The following SLC9C2 variants were observed in gnomAD, a reference collection of about 807,000 sequenced individuals.
SLC9C2 encodes solute carrier family 9 member C2 (putative).
In SLC9C2, 75 loss-of-function variants were observed where a neutral mutation model predicts 140.2. That is an observed-to-expected ratio of 0.53 (90% CI 0.44 to 0.65). The LOEUF is 0.65. Among genes scored for constraint, SLC9C2 ranks in the 30% least tolerant of loss-of-function variants. The pLI, the probability that SLC9C2 is intolerant of heterozygous loss-of-function variation, is 0.00. For synonymous variants in SLC9C2, 375 were observed against 420.9 expected (o/e 0.89, Z 1.34); for missense variants, 1,074 against 1,331.8 (o/e 0.81, Z 3.01).
At chr1:173,551,164 G>C (rs1195589994) in intron 11 of SLC9C2, among the ~76,000 whole-genome samples, 3 of 152,084 alleles carry the variant, frequency 2.0e-5, no homozygotes, top group Non-Finnish European at 2.9e-5. Context: ...AATATAGCAG[G>C]CTACTTCCAT....
At chr1:173,555,127 G>A (rs1228882918) in intron 10 of SLC9C2, 3 of 192,348 alleles carry the variant, frequency 1.6e-5, no homozygotes, top group African/African-American at 4.7e-5. Flanking sequence ...CAGCACGGTG[G>A]TAGCCATCTC....
intron 4 of SLC9C2, among the ~76,000 whole-genome samples, chr1:173,590,013 C>T (rs764735106): frequency 4.6e-5 from 7 of 152,126 alleles, no homozygotes; most frequent in Admixed American, 2.0e-4. Flanking sequence ...GGGGCCCAGG[C>T]GAGCAGATCT....
Position 173,534,597 on chromosome 1 carries a change from T to C in SLC9C2, c.1861A>G (p.Ile621Val). ...CACAGATGTATTATCATAGGATAAA[T>C]ATATATCAAATTTATAATCTGTCCT... ...YTGQIINLIYIYPMIIHLWPM... is the reference protein window; with the variant it reads ...YTGQIINLIYVYPMIIHLWPM... Residue 621 changes from isoleucine to valine, a missense_variant, in exon 16 of 28, where the codon ATT (isoleucine) becomes GTT (valine). By Grantham distance (29) the Ile-to-Val change is conservative (BLOSUM62 3). Transcript: ENST00000367714. The C allele has an allele frequency of 1.3e-6, 2 of 1,591,362 alleles. No individual in the cohort carries two copies. The highest frequency in any genetic ancestry group is 1.7e-6 in the Non-Finnish European group (2 of 1,170,538).
At chr1:173,554,517 C>T (rs1663540555) in intron 11 of SLC9C2, among the ~76,000 whole-genome samples, 1 of 152,186 alleles carries the variant, frequency 6.6e-6, no homozygotes, top group African/African-American at 2.4e-5. Flanking sequence ...AAAAAAAAAC[C>T]TTCTGTCTTG....
chr1:173,570,991 A>G (rs1664809486), intron 9 of SLC9C2, among the ~76,000 whole-genome samples: 1 of 152,144 alleles, frequency 6.6e-6, no homozygotes, highest in African/African-American at 2.4e-5. Context: ...TGAATTTTAA[A>G]GTAGGTACTG....
chr1:173,504,740 T>C (rs1659510577), intron 26 of SLC9C2, among the ~76,000 whole-genome samples: 1 of 152,168 alleles, frequency 6.6e-6, no homozygotes, highest in African/African-American at 2.4e-5. Context: ...ATGCATGCAG[T>C]TGGATGCTAA....
At chr1:173,502,788 C>T (rs1376623620) in intron 27 of SLC9C2, among the ~76,000 whole-genome samples, 2 of 152,160 alleles carry the variant, frequency 1.3e-5, no homozygotes, top group African/African-American at 4.8e-5. Flanking sequence ...TTCAAATAAC[C>T]TACCAGTTAA....
intron 9 of SLC9C2, among the ~76,000 whole-genome samples, chr1:173,565,788 T>A (rs1422658317): frequency 6.6e-6 from 1 of 152,230 alleles, no homozygotes; most frequent in Non-Finnish European, 1.5e-5. Context: ...AATCTCTAGA[T>A]CATTTTAGAT....
chr1:173,594,221 AG>A (rs1666324175), intron 4 of SLC9C2, among the ~76,000 whole-genome samples: 1 of 152,236 alleles, frequency 6.6e-6, no homozygotes, highest in Non-Finnish European at 1.5e-5. Context: ...ACAGCTAGAT[AG>A]GAGTAAGTTC....
intron 13 of SLC9C2, among the ~76,000 whole-genome samples, chr1:173,537,574 GTGTGTGTGTATATATA>G (rs749727507): frequency 9.1e-4 from 135 of 148,440 alleles, no homozygotes; most frequent in Non-Finnish European, 1.5e-3. Flanking sequence ...AAATTTATAT[GTGTGTGTGTATATATA>G]TGTGTGTGTA....
chr1:173,576,512 T>G, intron 8 of SLC9C2, 149 bp downstream of exon 8: 1 of 541,346 alleles, frequency 1.8e-6, no homozygotes, highest in Middle Eastern at 2.7e-4. Flanking sequence ...GCACCTTAAA[T>G]TCTTTTCAAA....
intron 4 of SLC9C2, among the ~76,000 whole-genome samples, chr1:173,588,205 A>G (rs550874099): frequency 6.6e-6 from 1 of 152,302 alleles, no homozygotes; most frequent in South Asian, 2.1e-4. Context: ...ACAAATTTAT[A>G]TACCAAGACT....
chr1:173,526,443 A>G (rs983701297), intron 19 of SLC9C2, among the ~76,000 whole-genome samples: 3 of 152,110 alleles, frequency 2.0e-5, no homozygotes, highest in African/African-American at 4.8e-5. Flanking sequence ...TCAATTATCT[A>G]TTGATACGCT....
At chr1:173,571,872 C>T (rs1664862753) in intron 9 of SLC9C2, 1 of 151,990 alleles carries the variant, frequency 6.6e-6, no homozygotes, top group Admixed American at 6.6e-5. Context: ...TTGGGGAATC[C>T]TTTCATTATT....
intron 9 of SLC9C2, among the ~76,000 whole-genome samples, chr1:173,572,284 G>C (rs1285078670): frequency 6.6e-6 from 1 of 152,212 alleles, no homozygotes; most frequent in Non-Finnish European, 1.5e-5. Context: ...ACAGCTGCAT[G>C]GGAACAGCAG....
intron 13 of SLC9C2, among the ~76,000 whole-genome samples, chr1:173,542,114 A>C (rs1425173436): frequency 6.6e-6 from 1 of 152,182 alleles, no homozygotes; most frequent in African/African-American, 2.4e-5. Context: ...ACCGCTAGCA[A>C]GACTAATAAA....
chr1:173,602,618 T>C (rs2102291293), intron 1 of SLC9C2, 133 bp downstream of exon 1: 1 of 152,360 alleles, frequency 6.6e-6, no homozygotes, highest in South Asian at 2.1e-4. Context: ...GTGCTCTGTG[T>C]AGGATGTAAC....
At chr1:173,509,761 A>G in intron 23 of SLC9C2, 62 bp from the exon 24 acceptor site, 3 of 1,516,060 alleles carry the variant, frequency 2.0e-6, no homozygotes, top group Non-Finnish European at 2.6e-6. Context: ...AAGACCATCA[A>G]AAAACAAGAT....
intron 16 of SLC9C2, 131 bp downstream of exon 16, chr1:173,534,353 A>G: frequency 1.0e-6 from 1 of 972,334 alleles, no homozygotes; most frequent in Non-Finnish European, 1.4e-6. Flanking sequence ...AAGCTTACTA[A>G]AATTCTAGGA....
Sources: allele counts gnomAD v4.1 joint callset (sites outside exome capture counted in the v4.1 genomes callset), GRCh38; gene constraint gnomAD v4.1.1; transcripts MANE v1.5; gene names NCBI Gene and HGNC (gene_info 2026-07-23, HGNC 2026-07-21).